The following XRCC2 variants were observed in gnomAD, a reference collection of about 807,000 sequenced individuals.
XRCC2 encodes the protein DNA repair protein XRCC2.
A neutral mutation model predicts 27.3 loss-of-function variants in XRCC2; 24 were observed. The ratio of observed to expected loss-of-function variants is 0.88; its 90% CI spans 0.64 to 1.24. The LOEUF (loss-of-function observed/expected upper bound fraction) is 1.24, where lower values mean the gene tolerates loss of function less well. XRCC2 is among the 50% of genes most tolerant of loss of function. The pLI is 0.00. For missense variants in XRCC2, 321 were observed against 325.8 expected (o/e 0.99, Z 0.11); for synonymous variants, 106 against 115.4 (o/e 0.92, Z 0.52).
chr7:152,652,473 G>A (rs567496214), intron 2 of XRCC2, among the ~76,000 whole-genome samples: 63 of 152,178 alleles, frequency 4.1e-4, no homozygotes, highest in African/African-American at 1.4e-3. Flanking sequence ...CAGAGAGGCC[G>A]ACCCACAGCT....
At chr7:152,672,449 T>C (rs770862343) in intron 1 of XRCC2, among the ~76,000 whole-genome samples, 20 of 152,222 alleles carry the variant, frequency 1.3e-4, no homozygotes, top group Admixed American at 2.6e-4. Flanking sequence ...GCAGACACTG[T>C]GTTTAGTTCA....
intron 2 of XRCC2, among the ~76,000 whole-genome samples, chr7:152,657,960 G>GTTTTTTTTT (rs200730687): frequency 7.3e-6 from 1 of 136,282 alleles, no homozygotes; most frequent in Non-Finnish European, 1.6e-5. Flanking sequence ...TTTTGTCTTT[G>GTTTTTTTTT]TTTTTTTTTT....
Position 152,647,616 on chromosome 7 carries a change from G to A in XRCC2, c.*1026C>T, listed in dbSNP as rs1590128701. The A allele has an allele frequency of 6.6e-6, 1 of 152,106 alleles. No homozygotes were observed. Among genetic ancestry groups the A allele is most frequent in the Non-Finnish European group, 1.5e-5 (1 of 68,028 alleles). The allele number at this position is 152,106 out of a possible 1,614,324, so 9.4% of individuals were successfully genotyped here. On this transcript the variant is annotated 3_prime_UTR_variant, in exon 3 of 3. Coordinates refer to ENST00000359321, the MANE Select transcript of XRCC2 (RefSeq NM_005431.2). ...GTCCATTTTCAATCTTTTCCATATG[G>A]CTGGCCAGTTATCCCAGCACGATTT...
intron 1 of XRCC2, among the ~76,000 whole-genome samples, chr7:152,671,975 AG>A (rs1262856527): frequency 6.6e-6 from 1 of 152,204 alleles, no homozygotes; most frequent in African/African-American, 2.4e-5. Flanking sequence ...CAGGAGGTCA[AG>A]GCTGCAGGGA....
intron 2 of XRCC2, among the ~76,000 whole-genome samples, chr7:152,657,672 G>A (rs999779748): frequency 6.6e-6 from 1 of 152,148 alleles, no homozygotes; most frequent in African/African-American, 2.4e-5. Flanking sequence ...AATGTATAAA[G>A]ATGTAGGGAA....
At chr7:152,666,217 A>AT (rs900339408) in intron 1 of XRCC2, among the ~76,000 whole-genome samples, 153 of 150,074 alleles carry the variant, frequency 1.0e-3, no homozygotes, top group African/African-American at 3.4e-3. Flanking sequence ...TTCTTCAATA[A>AT]TTTTTTTTTT....
intron 1 of XRCC2, among the ~76,000 whole-genome samples, chr7:152,667,423 A>AG (rs1466391933): frequency 6.1e-5 from 5 of 81,772 alleles, no homozygotes; most frequent in Non-Finnish European, 1.4e-4. Context: ...AAAAAAAAAA[A>AG]AAAGAAAAAA....
At position 152,648,953 on chromosome 7, in the gene XRCC2, G is replaced by C; in HGVS notation, c.532C>G (p.Gln178Glu). Residue 178 changes from glutamine (Q) to glutamate (E), a missense_variant, in exon 3 of 3, where the codon CAG becomes GAG. Gln to Glu is a conservative substitution (Grantham distance 29). Coordinates refer to ENST00000359321, the MANE Select transcript of XRCC2 (RefSeq NM_005431.2). ...LQESTLRKCS[Q>E]CLEKLVNDYR... ...TCATTTACAAGCTTCTCTAAGCACT[G>C]AGAACATTTCCTCAGAGTAGACTCC... is the stretch of plus-strand genomic sequence containing the variant. The C allele has an allele frequency of 6.2e-7, 1 of 1,614,202 alleles. No homozygotes were observed. Among genetic ancestry groups the C allele is most frequent in the Non-Finnish European group, 8.5e-7 (1 of 1,180,042 alleles).
intron 2 of XRCC2, among the ~76,000 whole-genome samples, chr7:152,653,634 A>AT (rs11303316): frequency 1.3e-5 from 2 of 151,560 alleles, no homozygotes; most frequent in African/African-American, 4.9e-5. Context: ...TAATTTTTGT[A>AT]TTTTTTTTGT....
chr7:152,656,421 G>A (rs940325295), intron 2 of XRCC2, among the ~76,000 whole-genome samples: 2 of 152,110 alleles, frequency 1.3e-5, no homozygotes, highest in Admixed American at 6.6e-5. Flanking sequence ...CAATGGCATT[G>A]AGACTCTATA....
At chr7:152,651,112 G>A (rs999702539) in intron 2 of XRCC2, among the ~76,000 whole-genome samples, 6 of 145,922 alleles carry the variant, frequency 4.1e-5, no homozygotes, top group South Asian at 2.6e-4. Context: ...GCTAATTTTT[G>A]TATTTTTGGT....
Position 152,648,272 on chromosome 7 carries a change from T to C in XRCC2, c.*370A>G. 6.2e-6 allele frequency: 1 copy of C among 161,982 alleles called. No homozygotes were observed. The highest frequency in any genetic ancestry group is 1.3e-5 in the Non-Finnish European group (1 of 74,226). The allele number at this position is 161,982 out of a possible 1,614,324, so 10.0% of individuals were successfully genotyped here. A position where few individuals can be genotyped will look rare whatever the true frequency, so the allele number is the denominator to read the frequency against. Reference sequence around the variant, plus strand: ...AAATACAAAAATTAGCCAGGCGTGGTGGTGGGTGCCTGTAATCCCAGCTAC... The same window carrying C: ...AAATACAAAAATTAGCCAGGCGTGGCGGTGGGTGCCTGTAATCCCAGCTAC... On this transcript the variant is annotated 3_prime_UTR_variant, in exon 3 of 3. Coordinates refer to ENST00000359321, the MANE Select transcript of XRCC2 (RefSeq NM_005431.2).
chr7:152,673,834 C>T (rs763869675), intron 1 of XRCC2, among the ~76,000 whole-genome samples: 11 of 152,128 alleles, frequency 7.2e-5, no homozygotes, highest in African/African-American at 1.2e-4. Flanking sequence ...CAAGATCGCG[C>T]CACTGCACTC....
chr7:152,660,336 G>T (rs1305947150), intron 2 of XRCC2, among the ~76,000 whole-genome samples: 1 of 152,110 alleles, frequency 6.6e-6, no homozygotes, highest in African/African-American at 2.4e-5. Flanking sequence ...CACGCCCTTA[G>T]TAAGTTTTCC....
At chr7:152,671,146 C>T (rs1051970273) in intron 1 of XRCC2, among the ~76,000 whole-genome samples, 2 of 152,042 alleles carry the variant, frequency 1.3e-5, no homozygotes, top group African/African-American at 4.8e-5. Context: ...ATATGGGAGG[C>T]GGAGGCTGCA....
intron 2 of XRCC2, among the ~76,000 whole-genome samples, chr7:152,650,987 T>C (rs974556195): frequency 1.3e-5 from 2 of 152,348 alleles, no homozygotes; most frequent in East Asian, 1.9e-4. Flanking sequence ...TTGCCTAGGC[T>C]GGAGTGCAGT....
rs1353963187 is a variant in XRCC2 at position 152,647,115 on chromosome 7, G to A, written c.*1527C>T. The A allele has an allele frequency of 6.6e-6, 1 of 152,142 alleles. No homozygotes were observed. Among genetic ancestry groups the A allele is most frequent in the Non-Finnish European group, 1.5e-5 (1 of 68,018 alleles). 9.4% of individuals were successfully genotyped at this position (152,142 alleles called of 1,614,324 possible). On this transcript the variant is annotated 3_prime_UTR_variant, in exon 3 of 3. Coordinates refer to ENST00000359321, the MANE Select transcript of XRCC2 (RefSeq NM_005431.2). ...ATAGCCATTTGGACTGGTGTGAGATGGTATCTCGTTGTTGTTTCGATTTGC... is the reference window on the plus strand; with the variant it reads ...ATAGCCATTTGGACTGGTGTGAGATAGTATCTCGTTGTTGTTTCGATTTGC...
Position 152,648,959 on chromosome 7 carries a change from A to G in XRCC2, c.526T>C (p.Cys176Arg), listed in dbSNP as rs1311575845. 3 of 1,614,206 alleles carry G rather than the reference A, an allele frequency of 1.9e-6. No individual in the cohort carries two copies. The highest frequency in any genetic ancestry group is 2.5e-6 in the Non-Finnish European group (3 of 1,180,030). ...ACAAGCTTCTCTAAGCACTGAGAAC[A>G]TTTCCTCAGAGTAGACTCCTGTAAG... ...VNLQESTLRK[C>R]SQCLEKLVND... Residue 176 changes from cysteine (C) to arginine (R), a missense_variant, in exon 3 of 3, where the codon TGT becomes CGT. Transcript: ENST00000359321.
intron 2 of XRCC2, among the ~76,000 whole-genome samples, chr7:152,652,870 T>C (rs996825687): frequency 2.0e-5 from 3 of 151,958 alleles, no homozygotes; most frequent in Non-Finnish European, 2.9e-5. Flanking sequence ...GTGTGTGGCT[T>C]TGGTGGCAGA....
Sources: gnomAD v4.1 joint callset for allele counts (sites outside exome capture counted in the v4.1 genomes callset) on GRCh38, gnomAD v4.1.1 for gene constraint, MANE v1.5 for transcripts, NCBI Gene and HGNC (gene_info 2026-07-23, HGNC 2026-07-21) for gene names.